PRR5L: variants seen among roughly 807,000 people sequenced by gnomAD.
The protein encoded by PRR5L is proline rich 5 like.
In PRR5L, 21 loss-of-function variants were observed where a neutral mutation model predicts 36.4. The ratio of observed to expected loss-of-function variants is 0.58; its 90% confidence interval spans 0.41 to 0.83. The LOEUF is 0.83. Ranked by LOEUF, PRR5L falls within the 40% of genes least tolerant of loss-of-function variation. The probability of loss-of-function intolerance (pLI) is 0.00; values close to 1 mark genes in which losing one functional copy is unlikely to be tolerated. For synonymous variants in PRR5L, 188 were observed against 197.0 expected (o/e 0.95, Z 0.38); for missense variants, 381 against 473.3 (o/e 0.80, Z 1.81).
chr11:36,301,611 G>A (rs143463889), intron 1 of PRR5L, among the ~76,000 whole-genome samples: 4 of 152,220 alleles, frequency 2.6e-5, no homozygotes, highest in African/African-American at 9.6e-5. Context: ...ATGGGGGGTC[G>A]GGGTGTTGTC....
chr11:36,432,025 G>A, intron 5 of PRR5L, 115 bp downstream of exon 5: 1 of 819,538 alleles, frequency 1.2e-6, no homozygotes, highest in Non-Finnish European at 2.0e-6. Flanking sequence ...GATTCACCCT[G>A]TCCGTTTCCT....
Position 36,344,494 on chromosome 11 carries a change from T to G in PRR5L, c.-126+48056T>G, listed in dbSNP as rs1856846321. ...TTCTATGGCTATATTGTACCACCTG[T>G]TTTGGACATTAACTTCATTTGTACT... On this transcript the variant is annotated intron_variant, in intron 1 of 8. Transcript: ENST00000530639. This position sits in a 1 kb window ranked among gnomAD's most constrained non-coding sequence, Gnocchi z 4.1. 6.6e-6 allele frequency among the ~76,000 whole-genome samples: 1 copy of G among 152,212 alleles called. No homozygotes were observed. The highest frequency in any genetic ancestry group is 2.4e-5 in the African/African-American group (1 of 41,456).
At chr11:36,437,096 A>G (rs1371971814) in intron 5 of PRR5L, among the ~76,000 whole-genome samples, 1 of 152,184 alleles carries the variant, frequency 6.6e-6, no homozygotes, top group Non-Finnish European at 1.5e-5. Flanking sequence ...ACTAGTGAAG[A>G]CTAGTAAGTT....
intron 1 of PRR5L, among the ~76,000 whole-genome samples, chr11:36,363,386 TC>T (rs1345492554): frequency 4.6e-5 from 7 of 152,238 alleles, no homozygotes; most frequent in Admixed American, 4.6e-4. Context: ...TATCTTTCTT[TC>T]CAGATTAGCT....
chr11:36,423,274 T>C (rs1858310465), intron 4 of PRR5L, among the ~76,000 whole-genome samples: 1 of 152,214 alleles, frequency 6.6e-6, no homozygotes, highest in African/African-American at 2.4e-5. Flanking sequence ...CATGTATGCA[T>C]ATATATGTAT....
intron 1 of PRR5L, among the ~76,000 whole-genome samples, chr11:36,302,789 CAAAATA>C (rs1856390922): frequency 6.6e-6 from 1 of 151,798 alleles, no homozygotes; most frequent in African/African-American, 2.4e-5. Flanking sequence ...GACTCTGTCT[CAAAATA>C]AAAATAAAAA....
intron 3 of PRR5L, among the ~76,000 whole-genome samples, chr11:36,408,216 G>T (rs959816225): frequency 2.0e-5 from 3 of 151,844 alleles, no homozygotes; most frequent in African/African-American, 7.3e-5. Flanking sequence ...GGAGACAGAG[G>T]TTGCAGTGAG....
chr11:36,336,878 C>T (rs574664519), intron 1 of PRR5L, among the ~76,000 whole-genome samples: 6 of 152,222 alleles, frequency 3.9e-5, no homozygotes, highest in African/African-American at 1.4e-4. Context: ...CTTTGTCCCT[C>T]ATAGATGGGT....
rs549664170 is a variant in PRR5L, at chr11:36,458,476, T to C, written c.713-3866T>C. 1.4e-4 allele frequency among the ~76,000 whole-genome samples: 22 copies of C among 152,236 alleles called. No individual in the cohort carries two copies. In the South Asian group the frequency reaches 1.9e-3, roughly 13 times the overall value. ...TGTAATATCCTTTGATTTTGAAAAA[T>C]TGTTATTGTCACCACCAAATAGGCC... is the stretch of plus-strand genomic sequence containing the variant. On this transcript the variant is annotated intron_variant, in intron 8 of 8. Transcript: ENST00000530639.
chr11:36,442,636 G>A (rs560943129), intron 6 of PRR5L, among the ~76,000 whole-genome samples: 9 of 132,636 alleles, frequency 6.8e-5, no homozygotes, highest in African/African-American at 2.2e-4. Context: ...TACTGTGCCC[G>A]CCCTAGAAAT....
intron 1 of PRR5L, among the ~76,000 whole-genome samples, chr11:36,314,690 C>G (rs1856537602): frequency 6.6e-6 from 1 of 152,228 alleles, no homozygotes; most frequent in African/African-American, 2.4e-5. Flanking sequence ...CAATATTACT[C>G]CATCATACAC....
intron 1 of PRR5L, among the ~76,000 whole-genome samples, chr11:36,389,698 C>T (rs923486355): frequency 2.0e-5 from 3 of 151,062 alleles, no homozygotes; most frequent in African/African-American, 7.3e-5. Flanking sequence ...CTGCAACCTC[C>T]GCCTTCTGGG....
chr11:36,327,080 A>C (rs558588683), intron 1 of PRR5L, among the ~76,000 whole-genome samples: 9 of 152,214 alleles, frequency 5.9e-5, no homozygotes, highest in Non-Finnish European at 8.8e-5. Flanking sequence ...AATTTAACAC[A>C]ACCTGTGGAA....
chr11:36,423,137 A>T (rs1017004382), intron 4 of PRR5L, among the ~76,000 whole-genome samples: 6 of 152,156 alleles, frequency 3.9e-5, no homozygotes, highest in Non-Finnish European at 7.3e-5. Context: ...CTCAGGCTAG[A>T]GTCAGTGGCT....
chr11:36,416,204 T>C (rs1449194510), intron 3 of PRR5L, among the ~76,000 whole-genome samples: 1 of 152,220 alleles, frequency 6.6e-6, no homozygotes, highest in Non-Finnish European at 1.5e-5. Flanking sequence ...ATATAACATG[T>C]GACCCTGTCT....
chr11:36,331,034 G>A (rs191394916), intron 1 of PRR5L, among the ~76,000 whole-genome samples: 1,822 of 152,178 alleles, frequency 0.012, 35 homozygotes, highest in African/African-American at 0.041. Flanking sequence ...TTGAACTCCC[G>A]ACCTCAATTG....
chr11:36,456,994 C>G (rs1008014887), intron 8 of PRR5L, among the ~76,000 whole-genome samples: 4 of 152,208 alleles, frequency 2.6e-5, no homozygotes, highest in African/African-American at 9.6e-5. Context: ...CTGGCTCCAG[C>G]TCTTGGCCTG....
chr11:36,358,693 G>A (rs898407135), intron 1 of PRR5L, among the ~76,000 whole-genome samples: 1 of 152,136 alleles, frequency 6.6e-6, no homozygotes, highest in African/African-American at 2.4e-5. Flanking sequence ...CAAGAATTTG[G>A]CAGTAACTGT....
chr11:36,433,619 G>A (rs889276128), intron 5 of PRR5L, among the ~76,000 whole-genome samples: 1 of 152,064 alleles, frequency 6.6e-6, no homozygotes, highest in African/African-American at 2.4e-5. Context: ...GCATGATTTC[G>A]TCTCACTGCA....
Sources: gnomAD v4.1 joint callset for allele counts (sites outside exome capture counted in the v4.1 genomes callset) on GRCh38, gnomAD v4.1.1 for gene constraint, Gnocchi (gnomAD v3.1) non-coding constraint, MANE v1.5 for transcripts, NCBI Gene and HGNC (gene_info 2026-07-23, HGNC 2026-07-21) for gene names.